CSMD3: variants seen among roughly 807,000 people sequenced by gnomAD.
CSMD3 encodes the protein CUB and sushi domain-containing protein 3.
In CSMD3, 177 loss-of-function variants were observed where a neutral mutation model predicts 435.2. That is an observed-to-expected ratio of 0.41 (90% CI 0.36 to 0.46). CSMD3 has a LOEUF of 0.46. Ranked by LOEUF, CSMD3 falls within the 20% of genes least tolerant of loss-of-function variation. CSMD3 has a pLI of 0.34. For missense variants in CSMD3, 4,265 were observed against 4,504.6 expected (o/e 0.95, Z 1.52); for synonymous variants, 1,656 against 1,520.5 (o/e 1.09, Z -2.07).
rs561631330 is a variant in CSMD3, at chr8:112,664,742, A to AAC, written c.2816+1533_2816+1534dup. Among the ~76,000 whole-genome samples the AAC allele has an allele frequency of 3.3e-5, 5 of 152,068 alleles. No individual in the cohort carries two copies. The South Asian group carries it at 6.2e-4, about 19-fold the overall frequency. On this transcript the variant is annotated intron_variant, in intron 17 of 70. Transcript: ENST00000297405. ...CAATGTAACTGGTGTCCAGGACATA[A>AAC]ACACACACACACAGAAAATCACGTG...
chr8:112,683,637 T>G (rs976400612), intron 15 of CSMD3, among the ~76,000 whole-genome samples: 2 of 152,036 alleles, frequency 1.3e-5, no homozygotes, highest in African/African-American at 4.8e-5. Context: ...ATTATAAAAT[T>G]TTAATGTATT....
At chr8:112,930,858 C>T (rs1418696577) in intron 9 of CSMD3, among the ~76,000 whole-genome samples, 2 of 151,984 alleles carry the variant, frequency 1.3e-5, no homozygotes, top group East Asian at 1.9e-4. Context: ...CACTGACTAC[C>T]TATGTTTAAT....
At chr8:113,349,859 A>G (rs930407110) in intron 1 of CSMD3, among the ~76,000 whole-genome samples, 1 of 151,954 alleles carries the variant, frequency 6.6e-6, no homozygotes, top group East Asian at 1.9e-4. Flanking sequence ...CCCCCCGTTA[A>G]GATATGAAAT....
At chr8:113,042,455 A>T (rs2087663239) in intron 5 of CSMD3, among the ~76,000 whole-genome samples, 1 of 152,192 alleles carries the variant, frequency 6.6e-6, no homozygotes, top group South Asian at 2.1e-4. Flanking sequence ...TCTTTTAGGA[A>T]AACTCTTTAT....
chr8:113,035,944 T>G (rs2087331600), intron 5 of CSMD3, among the ~76,000 whole-genome samples: 1 of 152,014 alleles, frequency 6.6e-6, no homozygotes, highest in African/African-American at 2.4e-5. Flanking sequence ...CATAATTGCA[T>G]TCTCAATACA....
At chr8:112,573,747 T>A (rs551985778) in intron 23 of CSMD3, 90 bp from the exon 24 acceptor site, 2 of 1,055,778 alleles carry the variant, frequency 1.9e-6, no homozygotes, top group Admixed American at 4.1e-5. Context: ...GAGAAAAGTG[T>A]ACTTTTTCTA....
At chr8:112,297,273 A>G (rs952642419) in intron 53 of CSMD3, among the ~76,000 whole-genome samples, 3 of 151,316 alleles carry the variant, frequency 2.0e-5, no homozygotes, top group African/African-American at 7.2e-5. Flanking sequence ...AAAATTAAAA[A>G]GTACCAAAGT....
intron 16 of CSMD3, among the ~76,000 whole-genome samples, chr8:112,677,668 T>C (rs572518186): frequency 7.2e-5 from 11 of 151,952 alleles, no homozygotes; most frequent in African/African-American, 2.4e-4. Context: ...TGGGGGAGAA[T>C]GCACAATTCA....
In CSMD3 at chr8:113,304,619, A is replaced by C. The variant is rs1446826141; in HGVS notation, c.401+9952T>G. ...ATGAGTTCATGTCCTTTGTAGGGACATGGATGAAATTGGAAACCATCATTC... is the reference window on the plus strand; with the variant it reads ...ATGAGTTCATGTCCTTTGTAGGGACCTGGATGAAATTGGAAACCATCATTC... On this transcript the variant is annotated intron_variant, in intron 2 of 70. Coordinates refer to ENST00000297405, the MANE Select transcript of CSMD3 (RefSeq NM_198123.2). Among the ~76,000 whole-genome samples the C allele has an allele frequency of 3.8e-5, 4 of 104,158 alleles. No individual in the cohort carries two copies. The East Asian group carries it at 1.4e-3, about 35-fold the overall frequency. The allele number at this position is 104,158 out of a possible 152,430, so 68.3% of individuals were successfully genotyped here.
intron 32 of CSMD3, among the ~76,000 whole-genome samples, chr8:112,468,039 G>A (rs1044719018): frequency 6.6e-6 from 1 of 152,150 alleles, no homozygotes; most frequent in Non-Finnish European, 1.5e-5. Flanking sequence ...AAAGTAAGAA[G>A]AGGATGACTG....
chr8:113,111,973 G>T (rs1428086868), intron 4 of CSMD3, among the ~76,000 whole-genome samples: 2 of 151,952 alleles, frequency 1.3e-5, no homozygotes, highest in Non-Finnish European at 2.9e-5. Context: ...GAGCCACTGC[G>T]CCTGGCTGTG....
intron 15 of CSMD3, among the ~76,000 whole-genome samples, chr8:112,684,081 C>A (rs1225613246): frequency 6.6e-6 from 1 of 151,518 alleles, no homozygotes; most frequent in Non-Finnish European, 1.5e-5. Context: ...AGAACAGAAC[C>A]AGGAAAAGGG....
At chr8:113,135,223 T>C (rs1467197643) in intron 4 of CSMD3, among the ~76,000 whole-genome samples, 1 of 151,948 alleles carries the variant, frequency 6.6e-6, no homozygotes, top group East Asian at 1.9e-4. Flanking sequence ...TTGTTATATG[T>C]ACACACAAAT....
chr8:112,619,880 A>C (rs998310505), intron 22 of CSMD3, among the ~76,000 whole-genome samples: 11 of 152,164 alleles, frequency 7.2e-5, no homozygotes, highest in African/African-American at 2.7e-4. Context: ...ACATTAAGAT[A>C]TTATATAATA....
At chr8:113,111,495 C>T (rs1338111644) in intron 4 of CSMD3, among the ~76,000 whole-genome samples, 1 of 151,922 alleles carries the variant, frequency 6.6e-6, no homozygotes, top group Non-Finnish European at 1.5e-5. Flanking sequence ...ATTCACTTTC[C>T]CCCTCCGCCC....
chr8:112,969,162 C>A (rs2084541523), intron 7 of CSMD3, among the ~76,000 whole-genome samples: 1 of 151,884 alleles, frequency 6.6e-6, no homozygotes. Context: ...CATAAACTGG[C>A]AATTTAATGT....
intron 10 of CSMD3, among the ~76,000 whole-genome samples, chr8:112,895,019 T>C (rs1040891575): frequency 1.3e-5 from 2 of 151,384 alleles, no homozygotes; most frequent in Non-Finnish European, 3.0e-5. Context: ...CTTAGAAGGC[T>C]ATAAGGCTAA....
chr8:113,303,785 G>T (rs954712504), intron 2 of CSMD3, among the ~76,000 whole-genome samples: 3 of 138,990 alleles, frequency 2.2e-5, no homozygotes, highest in African/African-American at 2.6e-5. Flanking sequence ...AGATTTAAAC[G>T]TTAGACCTAA....
At chr8:113,300,048 G>T (rs1440350411) in intron 2 of CSMD3, among the ~76,000 whole-genome samples, 4 of 151,682 alleles carry the variant, frequency 2.6e-5, no homozygotes, top group African/African-American at 7.3e-5. Flanking sequence ...CAGCTACTTG[G>T]GAGGCTGAGG....
Sources: gnomAD v4.1 joint callset for allele counts (sites outside exome capture counted in the v4.1 genomes callset) on GRCh38, gnomAD v4.1.1 for gene constraint, MANE v1.5 for transcripts, NCBI Gene and HGNC (gene_info 2026-07-23, HGNC 2026-07-21) for gene names.